SYNGR4: variants seen among roughly 807,000 people sequenced by gnomAD.
The protein encoded by SYNGR4 is synaptogyrin 4.
In SYNGR4, 15 loss-of-function variants were observed where a neutral mutation model predicts 15.5. That is an observed-to-expected ratio of 0.97 (90% confidence interval 0.65 to 1.49). The LOEUF is 1.49. Among genes scored for constraint, SYNGR4 ranks in the 40% most tolerant of loss-of-function variants. The probability of loss-of-function intolerance (pLI) is 0.00; values close to 1 mark genes in which losing one functional copy is unlikely to be tolerated. For missense variants in SYNGR4, 292 were observed against 299.3 expected, an observed-to-expected ratio of 0.98 and a Z score of 0.18; for synonymous variants, 121 against 127.4, an observed-to-expected ratio of 0.95 and a Z score of 0.34.
chr19:48,367,614 CAG>C (rs1205632779), intron 2 of SYNGR4, among the ~76,000 whole-genome samples: 2 of 152,046 alleles, frequency 1.3e-5, no homozygotes, highest in South Asian at 2.1e-4. Context: ...AGGAGAGGAA[CAG>C]GGGCTGGGGC....
intron 3 of SYNGR4, 57 bp from the exon 4 acceptor site, chr19:48,375,556 C>A: frequency 1.9e-6 from 3 of 1,575,672 alleles, no homozygotes; most frequent in South Asian, 2.3e-5. Flanking sequence ...CATGCCTCAG[C>A]AGCCCTGCCT....
rs1600949701 is a variant in SYNGR4, at chr19:48,375,679, C to G, written c.398C>G (p.Pro133Arg). The G allele has an allele frequency of 1.2e-6, 2 of 1,614,086 alleles. No individual in the cohort carries two copies. The highest frequency in any genetic ancestry group is 1.6e-4 in the Middle Eastern group (1 of 6,062). ...FLANQWQHSP[P>R]KEFLLGSSSA... ...GCCAACCAATGGCAGCATTCGCCGC[C>G]CAAAGAGTTCCTCCTGGGGAGCAGC... The change falls in exon 4 of 5, where the codon CCC (proline) becomes CGC (arginine). Residue 133 changes from proline to arginine, a missense_variant. Physicochemically the swap from Pro to Arg is moderately radical, Grantham distance 103 (BLOSUM62 -2). Transcript: ENST00000344846.
chr19:48,376,248 CTAG>C lies in SYNGR4; in HGVS notation c.636_638del (p.Ser214del). On this transcript the variant is annotated inframe_deletion, in exon 5 of 5. Transcript: ENST00000344846. ...ACTGGCCCCAACAGCCTGAGTTATG[CTAG>C]CTCTGCCCTGTCCCCCTGTCTGACC... 1 of 1,614,116 alleles carries C rather than the reference CTAG, an allele frequency of 6.2e-7. No individual in the cohort carries two copies. Among genetic ancestry groups the C allele is most frequent in the Admixed American group, 1.7e-5 (1 of 60,014 alleles).
intron 4 of SYNGR4, 121 bp from the exon 5 acceptor site, chr19:48,375,964 G>A: frequency 1.3e-6 from 2 of 1,548,286 alleles, no homozygotes; most frequent in Non-Finnish European, 1.7e-6. Context: ...AGGGCTCCTG[G>A]GCAGTGAGCA....
intron 2 of SYNGR4, among the ~76,000 whole-genome samples, chr19:48,371,193 G>A (rs1383832981): frequency 2.0e-5 from 3 of 152,074 alleles, no homozygotes; most frequent in Non-Finnish European, 4.4e-5. Context: ...TTTTCCACAT[G>A]CCATCCACCC....
intron 2 of SYNGR4, among the ~76,000 whole-genome samples, chr19:48,372,870 G>A (rs1970330554): frequency 6.6e-6 from 1 of 152,234 alleles, no homozygotes; most frequent in Admixed American, 6.5e-5. Context: ...GAGGCCAGGA[G>A]GGAAGAGACA....
intron 2 of SYNGR4, among the ~76,000 whole-genome samples, chr19:48,369,092 A>C (rs1219796801): frequency 6.6e-6 from 1 of 152,062 alleles, no homozygotes; most frequent in Non-Finnish European, 1.5e-5. Flanking sequence ...CTGGTCACGG[A>C]CTTTGCCCGC....
At chr19:48,372,451 G>A (rs938613953) in intron 2 of SYNGR4, among the ~76,000 whole-genome samples, 14 of 151,810 alleles carry the variant, frequency 9.2e-5, no homozygotes, top group Admixed American at 4.6e-4. Flanking sequence ...CGAGACCATC[G>A]TGGCTGGCAT....
At chr19:48,370,829 C>T (rs1024273020) in intron 2 of SYNGR4, among the ~76,000 whole-genome samples, 7 of 152,174 alleles carry the variant, frequency 4.6e-5, no homozygotes, top group Admixed American at 2.6e-4. Flanking sequence ...TCCTATTTTA[C>T]ACGCTAAATA....
chr19:48,375,518 GCAGC>G, intron 3 of SYNGR4, 91 bp from the exon 4 acceptor site: 1 of 1,483,228 alleles, frequency 6.7e-7, no homozygotes, highest in South Asian at 1.3e-5. Context: ...GGAAGTTCGT[GCAGC>G]AAGACCACCA....
At chr19:48,371,173 A>G (rs1970299076) in intron 2 of SYNGR4, among the ~76,000 whole-genome samples, 1 of 152,130 alleles carries the variant, frequency 6.6e-6, no homozygotes, top group Non-Finnish European at 1.5e-5. Flanking sequence ...CCCGCTCTGC[A>G]GCATCTGGCT....
In SYNGR4 at chr19:48,376,355, C is replaced by T. The variant is rs1161820818; in HGVS notation, c.*37C>T. 6.3e-7 allele frequency: 1 copy of T among 1,599,982 alleles called. No homozygotes were observed. Among genetic ancestry groups the T allele is most frequent in the Non-Finnish European group, 8.5e-7 (1 of 1,174,386 alleles). On this transcript the variant is annotated 3_prime_UTR_variant, in exon 5 of 5. Transcript: ENST00000344846. ...CAAATCAATAAAGAGAGAATCCTCC[C>T]TCCAGAAGGGTTTCTAAAAACAGCC...
At chr19:48,375,548 T>C (rs923618093) in intron 3 of SYNGR4, 65 bp from the exon 4 acceptor site, 13 of 1,566,152 alleles carry the variant, frequency 8.3e-6, no homozygotes, top group Middle Eastern at 1.8e-4. Context: ...ATCCTTCCCA[T>C]GCCTCAGCAG....
intron 2 of SYNGR4, among the ~76,000 whole-genome samples, chr19:48,368,908 G>C (rs1569044593): frequency 6.6e-6 from 1 of 152,208 alleles, no homozygotes; most frequent in Non-Finnish European, 1.5e-5. Flanking sequence ...GGCTCACAGA[G>C]GTTGAGTGGC....
intron 2 of SYNGR4, among the ~76,000 whole-genome samples, chr19:48,366,769 C>T (rs1970228854): frequency 6.6e-6 from 1 of 152,168 alleles, no homozygotes; most frequent in Admixed American, 6.5e-5. Context: ...GGCTACCTCA[C>T]TTTGCACTAA....
Position 48,376,187 on chromosome 19 carries a change from T to G in SYNGR4, c.574T>G (p.Leu192Val). ...TGGCATGGTGCTGACCACCCTCCCC[T>G]TGCCCTCTGCCAACAGCCCTGTGAA... is the stretch of plus-strand genomic sequence containing the variant. ...EGGMVLTTLPLPSANSPVNMP... is the reference protein window; with the variant it reads ...EGGMVLTTLPVPSANSPVNMP... Residue 192 changes from leucine (L) to valine (V), a missense_variant, in exon 5 of 5, where the codon TTG becomes GTG. Physicochemically the swap from Leu to Val is conservative, Grantham distance 32 (BLOSUM62 1). Transcript: ENST00000344846. The G allele has an allele frequency of 6.2e-7, 1 of 1,614,128 alleles. No individual in the cohort carries two copies. Among genetic ancestry groups the G allele is most frequent in the Non-Finnish European group, 8.5e-7 (1 of 1,180,020 alleles).
At chr19:48,371,068 G>T (rs1970297210) in intron 2 of SYNGR4, among the ~76,000 whole-genome samples, 1 of 152,160 alleles carries the variant, frequency 6.6e-6, no homozygotes, top group Admixed American at 6.5e-5. Context: ...TGGCCCTGGT[G>T]TTCCGGGCCT....
At chr19:48,366,034 G>A (rs1970215592) in intron 2 of SYNGR4, 99 bp downstream of exon 2, 1 of 1,281,408 alleles carries the variant, frequency 7.8e-7, no homozygotes. Flanking sequence ...CAAGGAAGGG[G>A]TCAGACGGGG....
intron 1 of SYNGR4, 21 bp from the exon 2 acceptor site, chr19:48,365,715 C>T (rs914344260): frequency 1.2e-4 from 116 of 996,992 alleles, no homozygotes; most frequent in Non-Finnish European, 1.7e-4. Flanking sequence ...ACTGGCATCC[C>T]CCATCTGTGT....
Sources: allele counts gnomAD v4.1 joint callset (sites outside exome capture counted in the v4.1 genomes callset), GRCh38; gene constraint gnomAD v4.1.1; transcripts MANE v1.5; gene names NCBI Gene and HGNC (gene_info 2026-07-23, HGNC 2026-07-21).